LYAR: variants seen among roughly 807,000 people sequenced by gnomAD.
The protein encoded by LYAR is cell growth-regulating nucleolar protein.
A neutral mutation model predicts 45.2 loss-of-function variants in LYAR; 37 were observed. The observed-to-expected ratio is 0.82, with a 90% CI of 0.63 to 1.08. The LOEUF (loss-of-function observed/expected upper bound fraction) is 1.08, where lower values mean the gene tolerates loss of function less well. Among genes scored for constraint, LYAR ranks in the 50% least tolerant of loss-of-function variants. The pLI is 0.00. For missense variants in LYAR, 493 were observed against 451.0 expected, an observed-to-expected ratio of 1.09 and a Z score of -0.84; for synonymous variants, 176 against 155.1, an observed-to-expected ratio of 1.14 and a Z score of -1.00.
chr4:4,285,864 T>C (rs777554784), intron 2 of LYAR, among the ~76,000 whole-genome samples: 1 of 152,108 alleles, frequency 6.6e-6, no homozygotes, highest in Non-Finnish European at 1.5e-5. Context: ...ACAAAATATA[T>C]TGACTGAAAG....
chr4:4,274,333 C>T, intron 7 of LYAR, 34 bp downstream of exon 7: 1 of 1,581,234 alleles, frequency 6.3e-7, no homozygotes. Flanking sequence ...TCCCGGTTTT[C>T]AGATGAATCC....
intron 1 of LYAR, chr4:4,289,493 G>C (rs577569186): frequency 1.3e-5 from 2 of 152,180 alleles, no homozygotes; most frequent in Non-Finnish European, 2.9e-5. Flanking sequence ...CCCTCTCATA[G>C]GAGGTTAACA....
intron 8 of LYAR, among the ~76,000 whole-genome samples, chr4:4,271,800 G>A (rs759380690): frequency 2.0e-5 from 3 of 152,182 alleles, no homozygotes; most frequent in Non-Finnish European, 2.9e-5. Context: ...AATGTTTACT[G>A]CAGCTTTATT....
chr4:4,284,306 C>G (rs1719521790), intron 2 of LYAR, among the ~76,000 whole-genome samples: 1 of 152,146 alleles, frequency 6.6e-6, no homozygotes, highest in South Asian at 2.1e-4. Flanking sequence ...TTCAGGTCCT[C>G]AAATATACTA....
intron 8 of LYAR, among the ~76,000 whole-genome samples, chr4:4,269,491 T>C (rs1290528622): frequency 6.6e-6 from 1 of 152,062 alleles, no homozygotes; most frequent in Non-Finnish European, 1.5e-5. Flanking sequence ...AGGGGTCTCA[T>C]CCACACAGGC....
At chr4:4,276,477 A>T (rs1719181615) in intron 6 of LYAR, among the ~76,000 whole-genome samples, 1 of 151,110 alleles carries the variant, frequency 6.6e-6, no homozygotes, top group Non-Finnish European at 1.5e-5. Context: ...CGGAAGGTGG[A>T]GGTTGCAGTG....
intron 6 of LYAR, among the ~76,000 whole-genome samples, chr4:4,277,527 T>C (rs188361411): frequency 6.6e-5 from 10 of 152,232 alleles, no homozygotes; most frequent in Admixed American, 6.5e-4. Context: ...GTGAACCAAT[T>C]CTTCCCCATC....
chr4:4,281,762 A>T, intron 4 of LYAR, 21 bp downstream of exon 4: 1 of 1,565,580 alleles, frequency 6.4e-7, no homozygotes. Flanking sequence ...GAAGCTACTC[A>T]ATGAGTTAGA....
In LYAR at chr4:4,273,942, AAAC is replaced by A. The variant is rs201655093; in HGVS notation, c.833-276_833-274del. Among the ~76,000 whole-genome samples, 753 of 152,276 alleles carry A rather than the reference AAAC, an allele frequency of 4.9e-3. 5 individuals carry two copies. The highest frequency in any genetic ancestry group is 0.017 in the African/African-American group (696 of 41,572). ...TATGCTCGTTCCCTTACTTGGTTCA[AAAC>A]ATAAGGTCTAGCTAGGTGCGGTAGC... On this transcript the variant is annotated intron_variant, in intron 7 of 9. Coordinates refer to ENST00000343470, the MANE Select transcript of LYAR (RefSeq NM_017816.3).
At chr4:4,277,025 G>A (rs1487508088) in intron 6 of LYAR, among the ~76,000 whole-genome samples, 1 of 152,036 alleles carries the variant, frequency 6.6e-6, no homozygotes, top group African/African-American at 2.4e-5. Flanking sequence ...CAATTCTGTC[G>A]ATATCTTCTA....
intron 4 of LYAR, among the ~76,000 whole-genome samples, chr4:4,280,164 C>A (rs1415482545): frequency 6.6e-6 from 1 of 152,170 alleles, no homozygotes; most frequent in Non-Finnish European, 1.5e-5. Context: ...AAAACAATTC[C>A]ATTTGCAACA....
intron 8 of LYAR, among the ~76,000 whole-genome samples, chr4:4,270,556 AAAC>A (rs1718894173): frequency 6.6e-6 from 1 of 151,108 alleles, no homozygotes; most frequent in Non-Finnish European, 1.5e-5. Context: ...AAACCCACAA[AAAC>A]AACAACCAAA....
At chr4:4,274,327 G>T (rs75010360) in intron 7 of LYAR, 40 bp downstream of exon 7, 2 of 1,576,148 alleles carry the variant, frequency 1.3e-6, no homozygotes, top group Admixed American at 1.9e-5. Context: ...CAGCTTTCCC[G>T]GTTTTCAGAT....
intron 6 of LYAR, 138 bp from the exon 7 acceptor site, chr4:4,274,907 A>T: frequency 1.4e-6 from 1 of 721,770 alleles, no homozygotes; most frequent in Non-Finnish European, 2.2e-6. Flanking sequence ...TATAACTGTG[A>T]CCCCCACCAA....
intron 3 of LYAR, among the ~76,000 whole-genome samples, chr4:4,283,014 G>A (rs1337951167): frequency 2.0e-5 from 3 of 152,210 alleles, no homozygotes; most frequent in Non-Finnish European, 4.4e-5. Flanking sequence ...CACGCAGTTA[G>A]TTCCCTGGGT....
At position 4,283,643 on chromosome 4, in the gene LYAR, T is replaced by C. The variant is rs147754234; in HGVS notation, c.100A>G (p.Ile34Val). ...TACCAGAAATCTTTACCGCAGTCAA[T>C]GCAAGAAAGGCATTCACAGTTTCTG... The part of the protein sequence containing the change: ...VCRNCECLSC[I>V]DCGKDFWGDD... Residue 34 changes from isoleucine to valine, a missense_variant, in exon 3 of 10, where the codon ATT becomes GTT. By Grantham distance (29) the Ile-to-Val change is conservative (BLOSUM62 3). Coordinates refer to ENST00000343470, the MANE Select transcript of LYAR (RefSeq NM_017816.3). 2 of 1,612,692 alleles carry C rather than the reference T, an allele frequency of 1.2e-6. No individual in the cohort carries two copies. Among genetic ancestry groups the C allele is most frequent in the African/African-American group, 1.3e-5 (1 of 74,954 alleles).
chr4:4,274,681 T>C lies in LYAR; in HGVS notation c.518A>G (p.Lys173Arg), dbSNP rs1198945640. ...AEISTKVPAS[K>R]VKDAVEQQGE... ...TTGCTGTTCCACGGCGTCTTTCACT[T>C]TGGAGGCTGGAACCTTGGTGGAGAT... Residue 173 changes from lysine (K) to arginine (R), a missense_variant, in exon 7 of 10, where the codon AAA (lysine) becomes AGA (arginine). Coordinates refer to ENST00000343470, the MANE Select transcript of LYAR (RefSeq NM_017816.3). 3.7e-6 allele frequency: 6 copies of C among 1,614,164 alleles called. No homozygotes were observed. The South Asian group carries it at 5.5e-5, about 15-fold the overall frequency.
rs141381328 is a variant in LYAR, at chr4:4,284,363, G to C, written c.-53-568C>G. 9.7e-4 allele frequency among the ~76,000 whole-genome samples: 148 copies of C among 152,260 alleles called. 1 individual carries two copies. Among genetic ancestry groups the C allele is most frequent in the African/African-American group, 3.2e-3 (131 of 41,574 alleles). On this transcript the variant is annotated intron_variant, in intron 2 of 9. Coordinates refer to ENST00000343470, the MANE Select transcript of LYAR (RefSeq NM_017816.3). ...TGAGTGAAGTTTAGAAAGTGAAGAA[G>C]AGGCAATTCTATGGGCACAATTTCT...
At chr4:4,284,641 T>A (rs1719535837) in intron 2 of LYAR, among the ~76,000 whole-genome samples, 1 of 152,118 alleles carries the variant, frequency 6.6e-6, no homozygotes, top group Non-Finnish European at 1.5e-5. Flanking sequence ...CATTGTAAAA[T>A]TTCACAGAAA....
Sources: allele counts gnomAD v4.1 joint callset (sites outside exome capture counted in the v4.1 genomes callset), GRCh38; gene constraint gnomAD v4.1.1; transcripts MANE v1.5; gene names NCBI Gene and HGNC (gene_info 2026-07-23, HGNC 2026-07-21).